EEPD1: variants seen among roughly 807,000 people sequenced by gnomAD.
EEPD1 encodes endonuclease/exonuclease/phosphatase family domain-containing protein 1.
A neutral mutation model predicts 46.3 loss-of-function variants in EEPD1; 17 were observed. That is an observed-to-expected ratio of 0.37 (90% CI 0.25 to 0.55). The LOEUF is 0.55. Ranked by LOEUF, EEPD1 falls within the 20% of genes least tolerant of loss-of-function variation. The pLI is 0.83. For synonymous variants in EEPD1, 313 were observed against 315.6 expected (o/e 0.99, Z 0.09); for missense variants, 673 against 745.6 (o/e 0.90, Z 1.13).
At chr7:36,221,173 CCTT>C (rs1471905241) in intron 2 of EEPD1, among the ~76,000 whole-genome samples, 2 of 152,210 alleles carry the variant, frequency 1.3e-5, no homozygotes, top group African/African-American at 4.8e-5. Flanking sequence ...AGAGTTTCAT[CCTT>C]CAGTTTAAAA....
chr7:36,292,706 C>T (rs557525112), intron 6 of EEPD1, among the ~76,000 whole-genome samples: 5 of 152,198 alleles, frequency 3.3e-5, no homozygotes, highest in African/African-American at 1.2e-4. Context: ...TGGGGTTTCA[C>T]TATGTCGGCC....
At chr7:36,294,770 C>A (rs1230570151) in intron 6 of EEPD1, among the ~76,000 whole-genome samples, 1 of 152,022 alleles carries the variant, frequency 6.6e-6, no homozygotes, top group Non-Finnish European at 1.5e-5. Flanking sequence ...ATAAACAAAA[C>A]ACTAATACCC....
At chr7:36,254,766 A>G (rs1786802630) in intron 3 of EEPD1, among the ~76,000 whole-genome samples, 1 of 152,172 alleles carries the variant, frequency 6.6e-6, no homozygotes, top group Non-Finnish European at 1.5e-5. Context: ...GTGTAAAAGC[A>G]TTGCTATTTC....
intron 2 of EEPD1, among the ~76,000 whole-genome samples, chr7:36,186,176 C>A (rs1446672468): frequency 1.3e-5 from 2 of 152,266 alleles, no homozygotes; most frequent in East Asian, 3.9e-4. Context: ...GGCACTCTGG[C>A]CCTCCCAGCA....
At chr7:36,163,313 G>A (rs1784929438) in intron 2 of EEPD1, among the ~76,000 whole-genome samples, 1 of 150,972 alleles carries the variant, frequency 6.6e-6, no homozygotes, top group Admixed American at 6.6e-5. Flanking sequence ...TTTAATTTGA[G>A]GACTCATTTC....
chr7:36,207,061 A>AAAAAC (rs1159294908), intron 2 of EEPD1, among the ~76,000 whole-genome samples: 6 of 152,138 alleles, frequency 3.9e-5, no homozygotes, highest in African/African-American at 1.4e-4. Flanking sequence ...AAACAAAAAC[A>AAAAAC]AAAACAACAA....
intron 3 of EEPD1, among the ~76,000 whole-genome samples, chr7:36,245,119 TG>T (rs1786616334): frequency 6.6e-6 from 1 of 152,042 alleles, no homozygotes; most frequent in Non-Finnish European, 1.5e-5. Context: ...CTAATTTTTT[TG>T]TATTTTTATT....
intron 6 of EEPD1, among the ~76,000 whole-genome samples, chr7:36,295,182 G>A (rs196606): frequency 0.81 from 121,270 of 149,452 alleles, 50,554 homozygotes; most frequent in East Asian, 0.96. Flanking sequence ...GTCTCAAAAA[G>A]AAAAAAAGAA....
rs374351703 is a variant in EEPD1, at chr7:36,202,104, C to T, written c.879-36881C>T. ...GCTTGAGACTTTCTCCACTCGAGGA[C>T]TTGTCATAGAGGTTGATTCCCAGGT... On this transcript the variant is annotated intron_variant, in intron 2 of 7. Coordinates refer to ENST00000242108, the MANE Select transcript of EEPD1 (RefSeq NM_030636.3). Among the ~76,000 whole-genome samples, 40 of 152,324 alleles carry T rather than the reference C, an allele frequency of 2.6e-4. No individual in the cohort carries two copies. The East Asian group carries it at 4.3e-3, about 16-fold the overall frequency.
chr7:36,294,103 C>T (rs1026379989), intron 6 of EEPD1, among the ~76,000 whole-genome samples: 3 of 152,088 alleles, frequency 2.0e-5, no homozygotes, highest in African/African-American at 7.2e-5. Flanking sequence ...TACACGTCTG[C>T]TCCTCTGTGT....
At chr7:36,211,601 A>G (rs1785934562) in intron 2 of EEPD1, among the ~76,000 whole-genome samples, 1 of 152,232 alleles carries the variant, frequency 6.6e-6, no homozygotes, top group Admixed American at 6.5e-5. Context: ...CAGAAAGAAG[A>G]AAGAGCAGTG....
At chr7:36,207,226 G>A (rs1248329420) in intron 2 of EEPD1, among the ~76,000 whole-genome samples, 3 of 152,160 alleles carry the variant, frequency 2.0e-5, no homozygotes, top group East Asian at 3.9e-4. Context: ...TGATGTCAGC[G>A]TGGTTCGAAT....
At chr7:36,169,412 T>C (rs1174014601) in intron 2 of EEPD1, among the ~76,000 whole-genome samples, 1 of 152,252 alleles carries the variant, frequency 6.6e-6, no homozygotes, top group East Asian at 1.9e-4. Flanking sequence ...TCTGTCTTTT[T>C]GATGAAAGCC....
At chr7:36,162,666 A>G (rs937092394) in intron 2 of EEPD1, among the ~76,000 whole-genome samples, 6 of 152,130 alleles carry the variant, frequency 3.9e-5, no homozygotes, top group Non-Finnish European at 8.8e-5. Flanking sequence ...AGAAAGAAAA[A>G]AAGAAAAACC....
chr7:36,219,538 AAAGG>A (rs1482199352), intron 2 of EEPD1, among the ~76,000 whole-genome samples: 1 of 149,580 alleles, frequency 6.7e-6, no homozygotes, highest in Non-Finnish European at 1.5e-5. Flanking sequence ...GAAAGGAAGG[AAAGG>A]AAGGAAGGAG....
At chr7:36,241,835 T>C (rs954473050) in intron 3 of EEPD1, among the ~76,000 whole-genome samples, 1 of 152,180 alleles carries the variant, frequency 6.6e-6, no homozygotes, top group African/African-American at 2.4e-5. Flanking sequence ...GCCATTGCAC[T>C]CCAGTCTGGG....
intron 3 of EEPD1, among the ~76,000 whole-genome samples, chr7:36,275,920 C>T (rs894183779): frequency 1.2e-4 from 18 of 148,634 alleles, no homozygotes; most frequent in African/African-American, 3.4e-4. Flanking sequence ...TGCAGAGTCA[C>T]CTGATCCACG....
chr7:36,168,332 C>G (rs570038755), intron 2 of EEPD1, among the ~76,000 whole-genome samples: 1 of 152,302 alleles, frequency 6.6e-6, no homozygotes, highest in Non-Finnish European at 1.5e-5. Flanking sequence ...CATAAGGAAA[C>G]TTAAAGAATA....
intron 4 of EEPD1, among the ~76,000 whole-genome samples, chr7:36,284,134 G>A (rs1010711072): frequency 8.5e-5 from 13 of 152,154 alleles, no homozygotes; most frequent in Admixed American, 7.2e-4. Context: ...GAGGGCCCTC[G>A]AGCAGCCCCA....
Sources: gnomAD v4.1 joint callset for allele counts (sites outside exome capture counted in the v4.1 genomes callset) on GRCh38, gnomAD v4.1.1 for gene constraint, MANE v1.5 for transcripts, NCBI Gene and HGNC (gene_info 2026-07-23, HGNC 2026-07-21) for gene names.